The following KIF16B variants were observed in gnomAD, a reference collection of about 807,000 sequenced individuals.
The protein encoded by KIF16B is kinesin-like protein KIF16B.
KIF16B carries 98 observed loss-of-function variants against 156.3 expected under a neutral mutation model. That is an observed-to-expected ratio of 0.63 (90% confidence interval 0.53 to 0.74). The LOEUF is 0.74. KIF16B is among the 30% of genes least tolerant of loss of function. The probability of loss-of-function intolerance (pLI) is 0.00; values close to 1 mark genes in which losing one functional copy is unlikely to be tolerated. For synonymous variants in KIF16B, 564 were observed against 583.7 expected, an observed-to-expected ratio of 0.97 and a Z score of 0.49; for missense variants, 1,421 against 1,606.5, an observed-to-expected ratio of 0.88 and a Z score of 1.97.
intron 17 of KIF16B, among the ~76,000 whole-genome samples, chr20:16,385,865 G>A (rs1204424019): frequency 6.6e-6 from 1 of 152,132 alleles, no homozygotes; most frequent in Non-Finnish European, 1.5e-5. Flanking sequence ...TGAGGTCACT[G>A]TTCCCATTTC....
At chr20:16,518,584 T>C (rs1285467386) in intron 3 of KIF16B, among the ~76,000 whole-genome samples, 2 of 152,232 alleles carry the variant, frequency 1.3e-5, no homozygotes, top group Admixed American at 1.3e-4. Flanking sequence ...GAACAGGTTG[T>C]GTGAGATCAA....
At chr20:16,458,203 T>A (rs2067259363) in intron 12 of KIF16B, among the ~76,000 whole-genome samples, 1 of 152,196 alleles carries the variant, frequency 6.6e-6, no homozygotes, top group South Asian at 2.1e-4. Flanking sequence ...AGATGCCACA[T>A]AAACAACTGC....
intron 16 of KIF16B, among the ~76,000 whole-genome samples, 173 bp from the exon 17 acceptor site, chr20:16,405,074 G>C (rs2065749271): frequency 6.6e-6 from 1 of 152,166 alleles, no homozygotes; most frequent in Admixed American, 6.5e-5. Context: ...GTAAGGCCCT[G>C]ATACATTTCA....
At chr20:16,488,389 G>A (rs1275815143) in intron 12 of KIF16B, among the ~76,000 whole-genome samples, 13 of 152,200 alleles carry the variant, frequency 8.5e-5, no homozygotes, top group Non-Finnish European at 1.9e-4. Context: ...GAAGCCAGAT[G>A]ACATACCTTG....
At position 16,380,030 on chromosome 20, in the gene KIF16B, G is replaced by C; in HGVS notation, c.1972C>G (p.Leu658Val). The C allele has an allele frequency of 6.3e-7, 1 of 1,594,462 alleles. No individual in the cohort carries two copies. Among genetic ancestry groups the C allele is most frequent in the Non-Finnish European group, 8.5e-7 (1 of 1,172,226 alleles). The part of the protein sequence containing the change: ...QLQIRKQEES[L>V]KRRSFHIENK... ...TCGATGTGGAAGCTGCGGCGTTTGA[G>C]GCTCTCCTCCTGCTTGCGAATCTGG... The change falls in exon 19 of 26, where the codon CTC becomes GTC. Residue 658 changes from leucine (L) to valine (V), a missense_variant. Transcript: ENST00000354981.
chr20:16,395,961 A>C (rs1384688027), intron 17 of KIF16B, among the ~76,000 whole-genome samples: 1 of 152,168 alleles, frequency 6.6e-6, no homozygotes, highest in African/African-American at 2.4e-5. Context: ...TTAAAACTAT[A>C]TGTACTCTGG....
In KIF16B at chr20:16,379,276, A is replaced by G. The variant is rs2065029307; in HGVS notation, c.2726T>C (p.Leu909Pro). The G allele has an allele frequency of 1.2e-6, 2 of 1,613,872 alleles. No homozygotes were observed. The highest frequency in any genetic ancestry group is 1.7e-6 in the Non-Finnish European group (2 of 1,180,020). ...EYRLQYKERQLQYLLQNHLPT... is the reference protein window; with the variant it reads ...EYRLQYKERQPQYLLQNHLPT... ...CAAGTGATTCTGCAGGAGGTACTGT[A>G]GCTGGCGTTCTTTATATTGCAGCCT... The change falls in exon 19 of 26, where the codon CTA becomes CCA. Residue 909 changes from leucine to proline, a missense_variant. Transcript: ENST00000354981.
chr20:16,460,403 C>T (rs1355823619), intron 12 of KIF16B, among the ~76,000 whole-genome samples: 2 of 152,068 alleles, frequency 1.3e-5, no homozygotes, highest in Non-Finnish European at 2.9e-5. Context: ...GAAACCCCAT[C>T]TCTACTAAAA....
At chr20:16,428,922 T>G (rs374682619) in intron 14 of KIF16B, 31 bp downstream of exon 14, 2 of 1,592,666 alleles carry the variant, frequency 1.3e-6, no homozygotes, top group Non-Finnish European at 1.7e-6. Context: ...TAAAAAATCA[T>G]TGGGAACAGA....
chr20:16,502,942 C>T (rs978542937), intron 10 of KIF16B, among the ~76,000 whole-genome samples: 4 of 152,240 alleles, frequency 2.6e-5, no homozygotes, highest in South Asian at 2.1e-4. Flanking sequence ...AGGCTGGGCG[C>T]GGTGGCTCAC....
intron 12 of KIF16B, among the ~76,000 whole-genome samples, chr20:16,487,297 A>C (rs1244263812): frequency 6.6e-6 from 1 of 152,058 alleles, no homozygotes; most frequent in East Asian, 1.9e-4. Context: ...GGCCACAAAA[A>C]ATGTTGTCTC....
chr20:16,496,807 T>G (rs2068464328), intron 11 of KIF16B, among the ~76,000 whole-genome samples: 1 of 152,220 alleles, frequency 6.6e-6, no homozygotes, highest in African/African-American at 2.4e-5. Flanking sequence ...CTGAGGCTAT[T>G]ATCAGGATAT....
At chr20:16,330,569 T>C (rs764523843) in intron 24 of KIF16B, among the ~76,000 whole-genome samples, 3 of 152,228 alleles carry the variant, frequency 2.0e-5, no homozygotes, top group Non-Finnish European at 4.4e-5. Context: ...TACAGAGAAG[T>C]AGTCACAACA....
At chr20:16,425,960 T>C (rs1240402214) in intron 15 of KIF16B, among the ~76,000 whole-genome samples, 4 of 152,144 alleles carry the variant, frequency 2.6e-5, no homozygotes, top group Non-Finnish European at 5.9e-5. Context: ...AAGCAAGGCA[T>C]GTCTTCTCAT....
intron 12 of KIF16B, among the ~76,000 whole-genome samples, chr20:16,492,054 G>GAT (rs2068310514): frequency 6.6e-6 from 1 of 152,128 alleles, no homozygotes; most frequent in African/African-American, 2.4e-5. Context: ...CACTCCTCAG[G>GAT]ATATATGCCA....
intron 16 of KIF16B, 135 bp downstream of exon 16, chr20:16,406,239 T>C: frequency 2.8e-6 from 2 of 725,144 alleles, no homozygotes; most frequent in Non-Finnish European, 2.4e-6. Context: ...CTCCCTAGAA[T>C]CAATCCAGAT....
At chr20:16,407,527 A>C (rs1477740194) in intron 15 of KIF16B, among the ~76,000 whole-genome samples, 1 of 152,108 alleles carries the variant, frequency 6.6e-6, no homozygotes, top group Non-Finnish European at 1.5e-5. Context: ...CAAGGACCTA[A>C]GTTGGGTCTC....
intron 23 of KIF16B, among the ~76,000 whole-genome samples, chr20:16,344,630 A>G (rs1296994480): frequency 6.6e-6 from 1 of 152,186 alleles, no homozygotes; most frequent in Non-Finnish European, 1.5e-5. Flanking sequence ...CTATGGTGTC[A>G]GCCTGCTCTC....
chr20:16,468,575 CAAAAAAAAAAAAA>C (rs550510241), intron 12 of KIF16B, among the ~76,000 whole-genome samples: 6 of 35,852 alleles, frequency 1.7e-4, no homozygotes, highest in Non-Finnish European at 1.8e-4. Context: ...GACTCCGTCT[CAAAAAAAAAAAAA>C]AAAAAAAAAA....
Sources: gnomAD v4.1 joint callset for allele counts (sites outside exome capture counted in the v4.1 genomes callset) on GRCh38, gnomAD v4.1.1 for gene constraint, MANE v1.5 for transcripts, NCBI Gene and HGNC (gene_info 2026-07-23, HGNC 2026-07-21) for gene names.